GALNT17: variants seen among roughly 807,000 people sequenced by gnomAD.
GALNT17 encodes UDP-GalNAc:polypeptide N-acetylgalactosaminyltransferase-like 3.
A neutral mutation model predicts 63.7 loss-of-function variants in GALNT17; 29 were observed. That is an observed-to-expected ratio of 0.46 (90% CI 0.34 to 0.62). The LOEUF (loss-of-function observed/expected upper bound fraction) is 0.62, where lower values mean the gene tolerates loss of function less well. Ranked by LOEUF, GALNT17 falls within the 20% of genes least tolerant of loss-of-function variation. The pLI is 0.01. For synonymous variants in GALNT17, 305 were observed against 318.3 expected, an observed-to-expected ratio of 0.96 and a Z score of 0.45; for missense variants, 603 against 799.6, an observed-to-expected ratio of 0.75 and a Z score of 2.97.
chr7:71,358,314 G>A (rs183135057), intron 2 of GALNT17, among the ~76,000 whole-genome samples: 1 of 152,354 alleles, frequency 6.6e-6, no homozygotes, highest in East Asian at 1.9e-4. Context: ...AGAATCACTT[G>A]AACGCCGGAG....
chr7:71,466,945 C>T (rs558649560), intron 5 of GALNT17, among the ~76,000 whole-genome samples: 60 of 151,428 alleles, frequency 4.0e-4, no homozygotes, highest in Non-Finnish European at 7.5e-4. Context: ...AACCCCTCCA[C>T]CTTGGGCACA....
At chr7:71,364,087 AT>A (rs1243908474) in intron 2 of GALNT17, among the ~76,000 whole-genome samples, 1 of 152,120 alleles carries the variant, frequency 6.6e-6, no homozygotes, top group Non-Finnish European at 1.5e-5. Flanking sequence ...TTTAGTGATG[AT>A]TTGGGTGCAC....
At chr7:71,151,780 A>G (rs548749541) in intron 1 of GALNT17, among the ~76,000 whole-genome samples, 2 of 152,270 alleles carry the variant, frequency 1.3e-5, no homozygotes, top group Admixed American at 6.5e-5. Flanking sequence ...GTTGTTTGTA[A>G]TTATAAACAA....
intron 6 of GALNT17, among the ~76,000 whole-genome samples, chr7:71,650,577 C>T (rs1221680690): frequency 6.6e-6 from 1 of 152,210 alleles, no homozygotes; most frequent in African/African-American, 2.4e-5. Context: ...GACCCGTCCT[C>T]TTCAGATCAC....
At chr7:71,484,544 T>C (rs932566413) in intron 5 of GALNT17, among the ~76,000 whole-genome samples, 5 of 152,200 alleles carry the variant, frequency 3.3e-5, no homozygotes, top group African/African-American at 1.2e-4. Flanking sequence ...TATGACTGGC[T>C]GATGAGTAGC....
chr7:71,485,176 G>A (rs906014714), intron 5 of GALNT17, among the ~76,000 whole-genome samples: 1 of 151,054 alleles, frequency 6.6e-6, no homozygotes, highest in Admixed American at 6.6e-5. Flanking sequence ...CACCATCATA[G>A]CTCACTGCAG....
chr7:71,442,473 A>G (rs904646765), intron 5 of GALNT17, among the ~76,000 whole-genome samples: 1 of 152,128 alleles, frequency 6.6e-6, no homozygotes, highest in African/African-American at 2.4e-5. Flanking sequence ...TGCTGGGATT[A>G]CAGGCGTGAG....
At chr7:71,388,486 G>T (rs753203428) in intron 3 of GALNT17, 85 bp downstream of exon 3, 7 of 1,493,176 alleles carry the variant, frequency 4.7e-6, no homozygotes, top group Non-Finnish European at 6.4e-6. Flanking sequence ...CCGAGCATCT[G>T]TGTCTCCTGG....
At chr7:71,359,129 T>A (rs903697196) in intron 2 of GALNT17, among the ~76,000 whole-genome samples, 13 of 152,224 alleles carry the variant, frequency 8.5e-5, no homozygotes, top group African/African-American at 3.1e-4. Context: ...GTGTCACAAG[T>A]ACAGTGCCTT....
At chr7:71,237,589 A>G (rs529505537) in intron 1 of GALNT17, among the ~76,000 whole-genome samples, 22 of 151,970 alleles carry the variant, frequency 1.4e-4, no homozygotes, top group African/African-American at 4.8e-4. Flanking sequence ...GGAGGCTGAC[A>G]TGGGAGGACT....
rs79807352 is a variant in GALNT17, at chr7:71,286,993, C to T, written c.239-48557C>T. Among the ~76,000 whole-genome samples, 160 of 152,100 alleles carry T rather than the reference C, an allele frequency of 1.1e-3. 1 individual carries two copies. Among genetic ancestry groups the T allele is most frequent in the African/African-American group, 3.8e-3 (156 of 41,508 alleles). ...TATTTTATAGAGACACGGAACTCCCCATGTTGCCCGGGCTAGTCTCGTACT... is the reference window on the plus strand; with the variant it reads ...TATTTTATAGAGACACGGAACTCCCTATGTTGCCCGGGCTAGTCTCGTACT... On this transcript the variant is annotated intron_variant, in intron 1 of 10. Coordinates refer to ENST00000333538, the MANE Select transcript of GALNT17 (RefSeq NM_022479.3).
intron 6 of GALNT17, among the ~76,000 whole-genome samples, chr7:71,581,552 A>G (rs142605618): frequency 1.3e-5 from 2 of 152,270 alleles, no homozygotes; most frequent in Non-Finnish European, 2.9e-5. Flanking sequence ...ACCTCTTACC[A>G]GGTCCCTCCT....
intron 1 of GALNT17, among the ~76,000 whole-genome samples, chr7:71,231,316 G>A (rs953758737): frequency 6.6e-6 from 1 of 151,798 alleles, no homozygotes; most frequent in Non-Finnish European, 1.5e-5. Flanking sequence ...AGATTTCTGA[G>A]CTGGTATCTG....
At chr7:71,184,914 C>T (rs1408914872) in intron 1 of GALNT17, among the ~76,000 whole-genome samples, 1 of 97,856 alleles carries the variant, frequency 1.0e-5, no homozygotes, top group Admixed American at 1.2e-4. Flanking sequence ...CATTCTCTAA[C>T]CCACCCTCCC....
intron 1 of GALNT17, among the ~76,000 whole-genome samples, chr7:71,263,541 C>T (rs1413977819): frequency 6.6e-6 from 1 of 152,166 alleles, no homozygotes; most frequent in Non-Finnish European, 1.5e-5. Flanking sequence ...AGGAATTTAC[C>T]TTTAGAGCCT....
At chr7:71,532,528 G>A (rs944650850) in intron 5 of GALNT17, among the ~76,000 whole-genome samples, 2 of 152,214 alleles carry the variant, frequency 1.3e-5, no homozygotes, top group African/African-American at 2.4e-5. Context: ...TGACACGGAT[G>A]TAAGTGACCA....
chr7:71,523,681 G>A (rs552350685), intron 5 of GALNT17, among the ~76,000 whole-genome samples: 1 of 151,556 alleles, frequency 6.6e-6, no homozygotes, highest in African/African-American at 2.4e-5. Context: ...GTTCAAGCCT[G>A]CAGAGAGCTA....
intron 6 of GALNT17, among the ~76,000 whole-genome samples, chr7:71,622,618 A>G (rs1790313743): frequency 6.6e-6 from 1 of 152,148 alleles, no homozygotes; most frequent in Admixed American, 6.5e-5. Context: ...CTTCCAGGAC[A>G]CAACAGCTCT....
chr7:71,201,181 T>G (rs1789159828), intron 1 of GALNT17, among the ~76,000 whole-genome samples: 1 of 150,778 alleles, frequency 6.6e-6, no homozygotes, highest in Non-Finnish European at 1.5e-5. Context: ...TATGTGTTCG[T>G]GTATGTGCAG....
Sources: allele counts gnomAD v4.1 joint callset (sites outside exome capture counted in the v4.1 genomes callset), GRCh38; gene constraint gnomAD v4.1.1; transcripts MANE v1.5; gene names NCBI Gene and HGNC (gene_info 2026-07-23, HGNC 2026-07-21).